Variants in MOB2 observed in about 807,000 individuals in gnomAD.
MOB2 encodes the protein MOB kinase activator 2.
Under a neutral mutation model 27.4 loss-of-function variants are expected in MOB2, and 14 were observed. The observed-to-expected ratio is 0.51, with a 90% CI of 0.34 to 0.80. MOB2 has a LOEUF of 0.80. Ranked by LOEUF, MOB2 falls within the 30% of genes least tolerant of loss-of-function variation. The pLI, the probability that MOB2 is intolerant of heterozygous loss-of-function variation, is 0.01. For missense variants in MOB2, 304 were observed against 354.6 expected (o/e 0.86, Z 1.15); for synonymous variants, 167 against 151.8 (o/e 1.10, Z -0.74).
chr11:1,475,079 T>C (rs776664757), intron 3 of MOB2, among the ~76,000 whole-genome samples: 4 of 152,256 alleles, frequency 2.6e-5, no homozygotes, highest in Non-Finnish European at 5.9e-5. Context: ...TCCATTTATG[T>C]AGACCTTCGA....
chr11:1,485,165 C>T (rs574080841), intron 1 of MOB2, among the ~76,000 whole-genome samples: 1 of 152,324 alleles, frequency 6.6e-6, no homozygotes, highest in South Asian at 2.1e-4. Flanking sequence ...TCCTTTGAAA[C>T]CTTCCTGAGC....
intron 4 of MOB2, among the ~76,000 whole-genome samples, chr11:1,470,972 G>T (rs529484197): frequency 6.6e-6 from 1 of 152,232 alleles, no homozygotes; most frequent in African/African-American, 2.4e-5. Flanking sequence ...CAGGCTTGGC[G>T]GCTGATACCC....
chr11:1,475,783 CG>C (rs1389481676), intron 3 of MOB2, among the ~76,000 whole-genome samples: 1 of 152,172 alleles, frequency 6.6e-6, no homozygotes, highest in African/African-American at 2.4e-5. Context: ...GATGTAACAG[CG>C]AAATTAAAGG....
At position 1,480,389 on chromosome 11, in the gene MOB2, T is replaced by C; in HGVS notation, c.365+4A>G. Reference sequence around the variant, plus strand: ...AAAGTGGGCTGTAGCCAGGCAGCACTCACGTGTTGCACACGGCCATCGTCT... The same window carrying C: ...AAAGTGGGCTGTAGCCAGGCAGCACCCACGTGTTGCACACGGCCATCGTCT... On this transcript the variant is annotated splice_donor_region_variant and intron_variant, in intron 3 of 4. Coordinates refer to ENST00000329957, the MANE Select transcript of MOB2 (RefSeq NM_001172223.3). 1 of 1,612,100 alleles carries C rather than the reference T, an allele frequency of 6.2e-7. No individual in the cohort carries two copies. Among genetic ancestry groups the C allele is most frequent in the East Asian group, 2.2e-5 (1 of 44,880 alleles).
chr11:1,473,534 T>G (rs4881733), intron 3 of MOB2: 139,857 of 152,320 alleles, frequency 0.92, 64,371 homozygotes, highest in East Asian at 1. Flanking sequence ...TGGCTCCAGG[T>G]ACCCTGACAC....
Position 1,469,941 on chromosome 11 carries a change from A to C in MOB2, c.*231T>G. 47 of 954,694 alleles carry C rather than the reference A, an allele frequency of 4.9e-5. No homozygotes were observed. Among genetic ancestry groups the C allele is most frequent in the Non-Finnish European group, 6.3e-5 (39 of 620,646 alleles). 59.1% of individuals were successfully genotyped at this position (954,694 alleles called of 1,614,324 possible). On this transcript the variant is annotated 3_prime_UTR_variant, in exon 5 of 5. Transcript: ENST00000329957. ...CCATGCGTGTCTGCTGAACGAGTGA[A>C]TGGGCCCAAAGGCTCTTCTCTACAA...
chr11:1,479,477 C>T lies in MOB2; in HGVS notation c.365+916G>A, dbSNP rs1009051123. 2.0e-5 allele frequency among the ~76,000 whole-genome samples: 3 copies of T among 152,260 alleles called. 1 individual carries two copies. The highest frequency in any genetic ancestry group is 4.1e-4 in the South Asian group (2 of 4,838). On this transcript the variant is annotated intron_variant, in intron 3 of 4. Transcript: ENST00000329957. ...AGCCAGCTGTTGTCTGTACCTGCCC[C>T]GGTGTCACCCATAACCAAACCAAGC... is the stretch of plus-strand genomic sequence containing the variant.
intron 3 of MOB2, among the ~76,000 whole-genome samples, chr11:1,475,793 G>C (rs1415559147): frequency 1.3e-5 from 2 of 152,180 alleles, no homozygotes; most frequent in African/African-American, 2.4e-5. Context: ...CGAAATTAAA[G>C]GGACTTTTTT....
At position 1,469,698 on chromosome 11, in the gene MOB2, A is replaced by T. The variant is rs1272612843; in HGVS notation, c.*474T>A. The T allele has an allele frequency of 4.4e-6, 2 of 458,240 alleles. No homozygotes were observed. The highest frequency in any genetic ancestry group is 8.8e-6 in the Non-Finnish European group (2 of 228,234). The allele number at this position is 458,240 out of a possible 1,614,324, so 28.4% of individuals were successfully genotyped here. On this transcript the variant is annotated 3_prime_UTR_variant, in exon 5 of 5. Transcript: ENST00000329957. ...CCCACCTCTGAGCTGCCAACAGCCAAGACTCCTGGCGAGGCCGGGAGAGGA... is the reference window on the plus strand; with the variant it reads ...CCCACCTCTGAGCTGCCAACAGCCATGACTCCTGGCGAGGCCGGGAGAGGA...
chr11:1,478,240 G>A (rs555858424), intron 3 of MOB2, among the ~76,000 whole-genome samples: 1 of 152,124 alleles, frequency 6.6e-6, no homozygotes, highest in Admixed American at 6.5e-5. Flanking sequence ...CAGGCCCCAC[G>A]GCCGCCCTGG....
chr11:1,473,676 C>T (rs1341582924), intron 3 of MOB2, among the ~76,000 whole-genome samples: 1 of 152,262 alleles, frequency 6.6e-6, no homozygotes, highest in Non-Finnish European at 1.5e-5. Context: ...TGTGGATTGT[C>T]CCATCTGTTC....
At position 1,480,410 on chromosome 11, in the gene MOB2, C is replaced by A. The variant is rs763117545; in HGVS notation, c.348G>T (p.Thr116=). 6.2e-7 allele frequency: 1 copy of A among 1,613,556 alleles called. No individual in the cohort carries two copies. The highest frequency in any genetic ancestry group is 1.3e-5 in the African/African-American group (1 of 74,962). Residue 116 remains threonine (T), a synonymous_variant, in exon 3 of 5, where the codon ACG becomes ACT. Coordinates refer to ENST00000329957, the MANE Select transcript of MOB2 (RefSeq NM_001172223.3). The part of the protein sequence containing the change: ...SEFCTGETCQ[T]MAVCNTQYYW... ...GCACTCACGTGTTGCACACGGCCATCGTCTGACACGTCTCTCCTGTGCAGA... is the reference window on the plus strand; with the variant it reads ...GCACTCACGTGTTGCACACGGCCATAGTCTGACACGTCTCTCCTGTGCAGA...
At chr11:1,479,467 G>C (rs562058865) in intron 3 of MOB2, among the ~76,000 whole-genome samples, 37 of 152,362 alleles carry the variant, frequency 2.4e-4, no homozygotes, top group African/African-American at 8.7e-4. Context: ...GCTGTTGTCT[G>C]TACCTGCCCC....
In MOB2 at chr11:1,470,128, C is replaced by G; in HGVS notation, c.*44G>C. The stretch of plus-strand genomic sequence containing the variant: ...CGCAGATGCAGGAGAGAACACACAC[C>G]ACCGTCTCTTTGCACACGTGTGCCC... On this transcript the variant is annotated 3_prime_UTR_variant, in exon 5 of 5. Coordinates refer to ENST00000329957, the MANE Select transcript of MOB2 (RefSeq NM_001172223.3). The G allele has an allele frequency of 6.4e-7, 1 of 1,554,618 alleles. No homozygotes were observed. Among genetic ancestry groups the G allele is most frequent in the Non-Finnish European group, 8.7e-7 (1 of 1,150,096 alleles).
At chr11:1,479,010 T>A (rs535534062) in intron 3 of MOB2, among the ~76,000 whole-genome samples, 4 of 152,336 alleles carry the variant, frequency 2.6e-5, no homozygotes, top group Admixed American at 6.5e-5. Context: ...TTCACACACA[T>A]CTACTACCAC....
intron 3 of MOB2, 129 bp from the exon 4 acceptor site, chr11:1,471,548 C>T: frequency 8.5e-7 from 1 of 1,172,660 alleles, no homozygotes; most frequent in Non-Finnish European, 1.2e-6. Flanking sequence ...ACCCAGGTGT[C>T]TCCCTCCCTG....
Position 1,480,383 on chromosome 11 carries a change from C to A in MOB2, c.365+10G>T, listed in dbSNP as rs1847896936. 6.2e-7 allele frequency: 1 copy of A among 1,612,786 alleles called. No individual in the cohort carries two copies. The highest frequency in any genetic ancestry group is 1.7e-4 in the Middle Eastern group (1 of 6,058). ...CAAGAGAAAGTGGGCTGTAGCCAGG[C>A]AGCACTCACGTGTTGCACACGGCCA... On this transcript the variant is annotated intron_variant, in intron 3 of 4. Coordinates refer to ENST00000329957, the MANE Select transcript of MOB2 (RefSeq NM_001172223.3).
At chr11:1,471,737 C>T (rs1373395843) in intron 3 of MOB2, 7 of 280,842 alleles carry the variant, frequency 2.5e-5, no homozygotes, top group Non-Finnish European at 4.7e-5. Context: ...TTCTACATGG[C>T]TTCAGTTGTA....
At chr11:1,480,095 C>T (rs1847894091) in intron 3 of MOB2, among the ~76,000 whole-genome samples, 1 of 152,248 alleles carries the variant, frequency 6.6e-6, no homozygotes, top group African/African-American at 2.4e-5. Flanking sequence ...CGGAGAAGGG[C>T]TCTCTGCAAT....
Sources: gnomAD v4.1 joint callset for allele counts (sites outside exome capture counted in the v4.1 genomes callset) on GRCh38, gnomAD v4.1.1 for gene constraint, MANE v1.5 for transcripts, NCBI Gene and HGNC (gene_info 2026-07-23, HGNC 2026-07-21) for gene names.